RPL3: variants seen among roughly 807,000 people sequenced by gnomAD.
RPL3 encodes large ribosomal subunit protein uL3.
A neutral mutation model predicts 46.0 loss-of-function variants in RPL3; 3 were observed. That is an observed-to-expected ratio of 0.07 (90% CI 0.03 to 0.17). The LOEUF is 0.17. Among genes scored for constraint, RPL3 ranks in the 10% least tolerant of loss-of-function variants. The pLI is 1.00. For missense variants in RPL3, 387 were observed against 532.7 expected, an observed-to-expected ratio of 0.73 and a Z score of 2.69; for synonymous variants, 224 against 190.8, an observed-to-expected ratio of 1.17 and a Z score of -1.43.
chr22:39,316,765 T>C lies in RPL3; in HGVS notation c.442A>G (p.Lys148Glu), dbSNP rs11547987. The change falls in exon 4 of 10, where the codon AAG (lysine) becomes GAG (glutamate). Residue 148 changes from lysine to glutamate, a missense_variant. By Grantham distance (56) the Lys-to-Glu change is moderately conservative. Around this residue, in one of 5 missense-constraint regions of RPL3, gnomAD observed 196 missense variants for 217.5 expected, o/e 0.90. Coordinates refer to ENST00000216146, the MANE Select transcript of RPL3 (RefSeq NM_000967.4). ...TACTTCTTCATGCTGCTGAAGTCCT[T>C]CTCCAGCTGCTTCTTGCCATCCTCA... is the stretch of plus-strand genomic sequence containing the variant. The part of the protein sequence containing the change: ...QDEDGKKQLE[K>E]DFSSMKKYCQ... 261 of 1,613,574 alleles carry C rather than the reference T, an allele frequency of 1.6e-4. No individual in the cohort carries two copies. The highest frequency in any genetic ancestry group is 2.0e-4 in the Non-Finnish European group (233 of 1,179,918).
intron 8 of RPL3, 74 bp downstream of exon 8, chr22:39,313,560 G>A: frequency 2.1e-6 from 3 of 1,430,656 alleles, no homozygotes; most frequent in Middle Eastern, 2.3e-4. Context: ...TCCCACCACA[G>A]GGCCACCAGC....
intron 1 of RPL3, chr22:39,319,030 GC>G (rs1350115158): frequency 1.9e-6 from 1 of 537,792 alleles, no homozygotes; most frequent in East Asian, 5.4e-5. Flanking sequence ...ATACACACAG[GC>G]CAAAGAACTC....
Position 39,315,566 on chromosome 22 carries a change from G to A in RPL3, c.502-11C>T. 9.3e-6 allele frequency: 15 copies of A among 1,613,638 alleles called. No homozygotes were observed. Among genetic ancestry groups the A allele is most frequent in the Non-Finnish European group, 1.3e-5 (15 of 1,179,860 alleles). On this transcript the variant is annotated splice_polypyrimidine_tract_variant and intron_variant, in intron 4 of 9. Coordinates refer to ENST00000216146, the MANE Select transcript of RPL3 (RefSeq NM_000967.4). ...AGGAAGCAGGCGCATCTAGGAGAAG[G>A]TAGACACAGCTCAGCTCCAGCTGCC...
chr22:39,317,753 G>A, intron 2 of RPL3, 124 bp from the exon 3 acceptor site: 1 of 1,023,052 alleles, frequency 9.8e-7, no homozygotes, highest in Non-Finnish European at 1.5e-6. Flanking sequence ...CTGCAGTACG[G>A]ACTCACAGGG....
chr22:39,318,751 C>T lies in RPL3; in HGVS notation c.4-159G>A, dbSNP rs1003547319. ...GGTCATTATCTCTTCCAGGCTCGCA[C>T]GTGTCAAGAATGCTTTTGTATTCGA... On this transcript the variant is annotated intron_variant, in intron 1 of 9. Coordinates refer to ENST00000216146, the MANE Select transcript of RPL3 (RefSeq NM_000967.4). 4 of 637,666 alleles carry T rather than the reference C, an allele frequency of 6.3e-6. No homozygotes were observed. In the Admixed American group the frequency reaches 9.1e-5, roughly 15 times the overall value. 39.5% of individuals were successfully genotyped at this position (637,666 alleles called of 1,614,324 possible).
At chr22:39,314,324 A>T (rs1922546224) in intron 6 of RPL3, 116 bp from the exon 7 acceptor site, 3 of 888,370 alleles carry the variant, frequency 3.4e-6, no homozygotes, top group Admixed American at 2.0e-5. Flanking sequence ...TCCCAGTCAC[A>T]GCGTATCCCA....
rs529123369 is a variant in RPL3, at chr22:39,313,127, A to G, written c.1167+64T>C. The stretch of plus-strand genomic sequence containing the variant: ...TCAAGACCACCCCTACCCCGGCTGG[A>G]GCCAAAGGCAGGCGGCTGCCCAAGC... On this transcript the variant is annotated intron_variant, in intron 9 of 9. Coordinates refer to ENST00000216146, the MANE Select transcript of RPL3 (RefSeq NM_000967.4). 3.6e-4 allele frequency: 578 copies of G among 1,598,444 alleles called. 3 individuals carry two copies. The highest frequency in any genetic ancestry group is 1.4e-5 in the Non-Finnish European group (16 of 1,172,228).
intron 1 of RPL3, chr22:39,319,330 G>A (rs1368412364): frequency 5.0e-6 from 3 of 594,670 alleles, no homozygotes; most frequent in East Asian, 2.8e-5. Flanking sequence ...ATGACTCATG[G>A]CTTTAAAAAC....
At chr22:39,313,069 C>T (rs1448928255) in intron 9 of RPL3, 85 bp from the exon 10 acceptor site, 1 of 1,606,466 alleles carries the variant, frequency 6.2e-7, no homozygotes, top group East Asian at 2.2e-5. Flanking sequence ...GACTCTGGGC[C>T]AGTCTCCACA....
In RPL3 at chr22:39,314,063, C is replaced by T. The variant is rs201921859; in HGVS notation, c.951+44G>A. ...AGGAAGCAGCCTATCCCCAAAAGCACGAGGCCTGGGATGGCCTCACAGAGC... is the reference window on the plus strand; with the variant it reads ...AGGAAGCAGCCTATCCCCAAAAGCATGAGGCCTGGGATGGCCTCACAGAGC... On this transcript the variant is annotated intron_variant, in intron 7 of 9. Transcript: ENST00000216146. The T allele has an allele frequency of 2.7e-5, 42 of 1,541,124 alleles. No individual in the cohort carries two copies. The East Asian group carries it at 5.8e-4, about 21-fold the overall frequency.
At chr22:39,318,103 A>G (rs913772314) in intron 2 of RPL3, 33 of 414,794 alleles carry the variant, frequency 8.0e-5, no homozygotes, top group Middle Eastern at 6.6e-4. Flanking sequence ...CAGCCTCAGC[A>G]GCTCCAACCC....
At chr22:39,318,231 A>T in intron 2 of RPL3, 169 bp downstream of exon 2, 1 of 647,728 alleles carries the variant, frequency 1.5e-6, no homozygotes, top group Non-Finnish European at 2.6e-6. Context: ...GCCTTGGAAT[A>T]TTAGTTTTCA....
At chr22:39,313,471 GC>G in intron 8 of RPL3, 161 bp from the exon 9 acceptor site, 1 of 1,306,448 alleles carries the variant, frequency 7.7e-7, no homozygotes, top group African/African-American at 1.5e-5. Context: ...GCCCAGCAAG[GC>G]CAGACTGGGA....
intron 8 of RPL3, 126 bp downstream of exon 8, chr22:39,313,508 C>A: frequency 8.0e-7 from 1 of 1,249,792 alleles, no homozygotes; most frequent in Non-Finnish European, 1.1e-6. Flanking sequence ...GACTTCAAAG[C>A]CAGTGTGAAA....
rs1439873745 is a variant in RPL3, at chr22:39,314,677, G to A, written c.849+9C>T. On this transcript the variant is annotated intron_variant, in intron 6 of 9. Coordinates refer to ENST00000216146, the MANE Select transcript of RPL3 (RefSeq NM_000967.4). ...TCCCACCCCCAGGGAGCCACTCTCAGAACCTCACCTTCTTGTTGATCTCAG... is the reference window on the plus strand; with the variant it reads ...TCCCACCCCCAGGGAGCCACTCTCAAAACCTCACCTTCTTGTTGATCTCAG... The A allele has an allele frequency of 1.2e-6, 2 of 1,610,164 alleles. No homozygotes were observed. Among genetic ancestry groups the A allele is most frequent in the Non-Finnish European group, 8.5e-7 (1 of 1,178,266 alleles).
In RPL3 at chr22:39,314,217, A is replaced by T; in HGVS notation, c.850-9T>A. ...TGGCCAATCTTATAAATCTGAATGA[A>T]CAAGAAGGGTGTAAGGCTGGGGCAT... On this transcript the variant is annotated splice_polypyrimidine_tract_variant and intron_variant, in intron 6 of 9. Coordinates refer to ENST00000216146, the MANE Select transcript of RPL3 (RefSeq NM_000967.4). 1 of 1,612,034 alleles carries T rather than the reference A, an allele frequency of 6.2e-7. No homozygotes were observed. Among genetic ancestry groups the T allele is most frequent in the Non-Finnish European group, 8.5e-7 (1 of 1,178,176 alleles).
At chr22:39,316,473 G>A (rs531405071) in intron 4 of RPL3, among the ~76,000 whole-genome samples, 5 of 152,334 alleles carry the variant, frequency 3.3e-5, no homozygotes, top group Admixed American at 3.3e-4. Flanking sequence ...GTTTCCAGGA[G>A]AGCAGCCAGT....
Position 39,317,549 on chromosome 22 carries a change from C to G in RPL3, c.277G>C (p.Val93Leu). ...PMVVVGIVGY[V>L]ETPRGLRTFK... ...GTCCGGAGGCCTCGAGGGGTTTCCACGTAGCCCACAATGCCCACAACCACC... is the reference window on the plus strand; with the variant it reads ...GTCCGGAGGCCTCGAGGGGTTTCCAGGTAGCCCACAATGCCCACAACCACC... The change falls in exon 3 of 10, where the codon GTG (valine) becomes CTG (leucine). Residue 93 changes from valine to leucine, a missense_variant. Physicochemically the swap from Val to Leu is conservative, Grantham distance 32. Coordinates refer to ENST00000216146, the MANE Select transcript of RPL3 (RefSeq NM_000967.4). 3 of 1,613,980 alleles carry G rather than the reference C, an allele frequency of 1.9e-6. No homozygotes were observed. The highest frequency in any genetic ancestry group is 2.5e-6 in the Non-Finnish European group (3 of 1,179,862).
intron 6 of RPL3, 118 bp from the exon 7 acceptor site, chr22:39,314,326 C>T (rs544919374): frequency 2.1e-4 from 186 of 881,782 alleles, no homozygotes; most frequent in Non-Finnish European, 3.2e-4. Context: ...CCAGTCACAG[C>T]GTATCCCAAG....
Sources: gnomAD v4.1 joint callset for allele counts (sites outside exome capture counted in the v4.1 genomes callset) on GRCh38, gnomAD v4.1.1 for gene constraint, gnomAD v4.1.1 regional missense constraint, MANE v1.5 for transcripts, NCBI Gene and HGNC (gene_info 2026-07-23, HGNC 2026-07-21) for gene names.